The following DCLK1 variants were observed in gnomAD, a reference collection of about 807,000 sequenced individuals.
The protein encoded by DCLK1 is doublecortin like kinase 1.
Under a neutral mutation model 86.2 loss-of-function variants are expected in DCLK1, and 16 were observed. The observed-to-expected ratio is 0.19, with a 90% confidence interval of 0.13 to 0.28. The LOEUF is 0.28. DCLK1 is among the 10% of genes least tolerant of loss of function. DCLK1 has a pLI of 1.00. For missense variants in DCLK1, 590 were observed against 940.2 expected, an observed-to-expected ratio of 0.63 and a Z score of 4.87; for synonymous variants, 369 against 370.5, an observed-to-expected ratio of 1.00 and a Z score of 0.05.
At chr13:35,850,601 G>A (rs1870543309) in intron 6 of DCLK1, 2 of 1,295,782 alleles carry the variant, frequency 1.5e-6, no homozygotes, top group African/African-American at 1.5e-5. Context: ...GGATGATTTG[G>A]TCTTTTATCA....
intron 3 of DCLK1, among the ~76,000 whole-genome samples, chr13:36,061,714 T>C (rs1335952633): frequency 6.6e-6 from 1 of 152,168 alleles, no homozygotes; most frequent in Non-Finnish European, 1.5e-5. Flanking sequence ...ATAATTTGGC[T>C]CAACTTAAAT....
chr13:36,059,868 CTTTT>C (rs57867541), intron 3 of DCLK1, among the ~76,000 whole-genome samples: 5 of 140,344 alleles, frequency 3.6e-5, no homozygotes, highest in African/African-American at 1.3e-4. Flanking sequence ...ACTTAAATCT[CTTTT>C]TTTTTTTTTT....
At chr13:35,831,537 G>A (rs757201473) in intron 8 of DCLK1, among the ~76,000 whole-genome samples, 9 of 152,100 alleles carry the variant, frequency 5.9e-5, no homozygotes, top group Non-Finnish European at 8.8e-5. Flanking sequence ...GCAGTGGGAC[G>A]CAGGGCTCTT....
chr13:35,979,889 C>G (rs1351291134), intron 3 of DCLK1, among the ~76,000 whole-genome samples: 1 of 152,196 alleles, frequency 6.6e-6, no homozygotes, highest in Non-Finnish European at 1.5e-5. Context: ...AGCACACTGG[C>G]TCTTCTGTGA....
chr13:35,899,841 C>A (rs1171061), intron 4 of DCLK1, among the ~76,000 whole-genome samples: 1 of 152,016 alleles, frequency 6.6e-6, no homozygotes, highest in African/African-American at 2.4e-5. Flanking sequence ...ACAAAAAGAA[C>A]GCTATTGGTA....
chr13:35,828,436 C>A (rs893248662), intron 8 of DCLK1, 129 bp from the exon 9 acceptor site: 1 of 754,512 alleles, frequency 1.3e-6, no homozygotes, highest in Non-Finnish European at 2.1e-6. Flanking sequence ...AAAGGATTTC[C>A]TTTCCTTTTT....
intron 3 of DCLK1, among the ~76,000 whole-genome samples, chr13:36,089,145 G>A (rs9531424): frequency 0.074 from 11,318 of 152,142 alleles, 695 homozygotes; most frequent in African/African-American, 0.17. Context: ...AAAATGCTTC[G>A]GAAGCGGTTT....
At chr13:35,800,507 T>C (rs2086897507) in intron 15 of DCLK1, among the ~76,000 whole-genome samples, 2 of 152,204 alleles carry the variant, frequency 1.3e-5, no homozygotes, top group African/African-American at 4.8e-5. Context: ...GCCTCGCTCA[T>C]GACTCTTTCA....
At chr13:36,014,780 T>C (rs1388108802) in intron 3 of DCLK1, among the ~76,000 whole-genome samples, 1 of 152,212 alleles carries the variant, frequency 6.6e-6, no homozygotes, top group Admixed American at 6.5e-5. Flanking sequence ...GTGGTGTATA[T>C]TTAAAAAGAA....
rs147906505 is a variant in DCLK1, at chr13:35,974,594, C to T, written c.724-27137G>A. 1.7e-3 allele frequency among the ~76,000 whole-genome samples: 265 copies of T among 152,250 alleles called. 2 individuals carry two copies. The highest frequency in any genetic ancestry group is 6.1e-3 in the African/African-American group (252 of 41,530). ...GATCTGGTTGTTTGAAAGTGTGTAA[C>T]GCTTCCCCTCTTGCTCTCTCTCTCC... On this transcript the variant is annotated intron_variant, in intron 3 of 16. Transcript: ENST00000360631.
intron 3 of DCLK1, among the ~76,000 whole-genome samples, chr13:36,064,580 AC>A (rs1321636367): frequency 6.6e-6 from 1 of 151,892 alleles, no homozygotes; most frequent in Non-Finnish European, 1.5e-5. Context: ...AATATCTTGA[AC>A]CAGGGGGTCA....
intron 3 of DCLK1, among the ~76,000 whole-genome samples, chr13:35,956,558 T>C (rs1249420677): frequency 1.3e-5 from 2 of 151,578 alleles, no homozygotes; most frequent in African/African-American, 4.9e-5. Flanking sequence ...GCTTAATGCC[T>C]GGGGAGTGAT....
chr13:35,981,900 C>A (rs2153141728), intron 3 of DCLK1, among the ~76,000 whole-genome samples: 1 of 152,270 alleles, frequency 6.6e-6, no homozygotes, highest in East Asian at 1.9e-4. Flanking sequence ...ATTTTGCATT[C>A]CCATCAACAG....
intron 4 of DCLK1, among the ~76,000 whole-genome samples, chr13:35,944,629 G>C (rs918276654): frequency 6.6e-6 from 1 of 152,130 alleles, no homozygotes; most frequent in Non-Finnish European, 1.5e-5. Context: ...TTTTCTATTT[G>C]AGCCCCTTTC....
rs1871017260 is a variant in DCLK1 at position 35,855,785 on chromosome 13, A to G, written c.941-1192T>C. ...GGTGTCAATTAAGCCTCTTGCCAACAGCAACCCCCATCCCGACACCACTCC... is the reference window on the plus strand; with the variant it reads ...GGTGTCAATTAAGCCTCTTGCCAACGGCAACCCCCATCCCGACACCACTCC... On this transcript the variant is annotated intron_variant, in intron 5 of 16. Transcript: ENST00000360631. 2.4e-5 allele frequency: 30 copies of G among 1,272,918 alleles called. No homozygotes were observed. The South Asian group carries it at 8.5e-4, about 36-fold the overall frequency. 78.9% of individuals were successfully genotyped at this position (1,272,918 alleles called of 1,614,324 possible). A position where few individuals can be genotyped will look rare whatever the true frequency, so the allele number is the denominator to read the frequency against.
intron 3 of DCLK1, among the ~76,000 whole-genome samples, chr13:36,037,832 TG>T (rs1882563531): frequency 6.6e-6 from 1 of 152,262 alleles, no homozygotes; most frequent in Admixed American, 6.5e-5. Flanking sequence ...AATTATCACA[TG>T]TATGTGATAA....
intron 3 of DCLK1, among the ~76,000 whole-genome samples, chr13:36,004,723 A>G (rs1231910429): frequency 2.0e-5 from 3 of 152,096 alleles, no homozygotes; most frequent in Non-Finnish European, 4.4e-5. Flanking sequence ...CTACAGGAAC[A>G]CACCACCATG....
At chr13:35,861,174 G>C (rs1485103495) in intron 5 of DCLK1, among the ~76,000 whole-genome samples, 2 of 152,210 alleles carry the variant, frequency 1.3e-5, no homozygotes, top group African/African-American at 4.8e-5. Context: ...ACCATAGGGA[G>C]AATGGTGACC....
intron 10 of DCLK1, among the ~76,000 whole-genome samples, chr13:35,824,379 T>G (rs1369310832): frequency 2.6e-5 from 4 of 152,086 alleles, no homozygotes; most frequent in Non-Finnish European, 4.4e-5. Context: ...GAGGCTTCGC[T>G]TTGTTGCCCA....
Sources: gnomAD v4.1 joint callset for allele counts (sites outside exome capture counted in the v4.1 genomes callset) on GRCh38, gnomAD v4.1.1 for gene constraint, MANE v1.5 for transcripts, NCBI Gene and HGNC (gene_info 2026-07-23, HGNC 2026-07-21) for gene names.